ZC3H13: variants seen among roughly 807,000 people sequenced by gnomAD.
The protein encoded by ZC3H13 is zinc finger CCCH-type containing 13.
In ZC3H13, 64 loss-of-function variants were observed where a neutral mutation model predicts 204.1. The ratio of observed to expected loss-of-function variants is 0.31; its 90% CI spans 0.26 to 0.39. ZC3H13 has a LOEUF of 0.39. ZC3H13 is among the 10% of genes least tolerant of loss of function. ZC3H13 has a pLI of 1.00. For missense variants in ZC3H13, 1,833 were observed against 2,082.7 expected (o/e 0.88, Z 2.33); for synonymous variants, 667 against 693.7 (o/e 0.96, Z 0.60).
chr13:46,012,644 T>C (rs868336978), intron 5 of ZC3H13, among the ~76,000 whole-genome samples: 1 of 152,238 alleles, frequency 6.6e-6, no homozygotes, highest in African/African-American at 2.4e-5. Context: ...ACTCATCTTA[T>C]GTTGGAGTAC....
intron 8 of ZC3H13, among the ~76,000 whole-genome samples, chr13:45,995,313 T>TA (rs1315914107): frequency 6.6e-6 from 1 of 152,230 alleles, no homozygotes; most frequent in Non-Finnish European, 1.5e-5. Flanking sequence ...TTTAGGGTCA[T>TA]AAACTCTTTC....
At chr13:45,958,668 T>C (rs1465301988) in intron 18 of ZC3H13, among the ~76,000 whole-genome samples, 2 of 149,552 alleles carry the variant, frequency 1.3e-5, no homozygotes, top group Admixed American at 6.7e-5. Context: ...TTTTTTTTTT[T>C]TTTTTGAGAT....
chr13:45,989,776 A>G (rs1354272732), intron 8 of ZC3H13, among the ~76,000 whole-genome samples: 1 of 137,834 alleles, frequency 7.3e-6, no homozygotes, highest in East Asian at 2.2e-4. Context: ...ACAACACATA[A>G]CCTCATGAAA....
intron 4 of ZC3H13, among the ~76,000 whole-genome samples, chr13:46,025,294 C>T (rs898829083): frequency 2.6e-5 from 4 of 152,106 alleles, no homozygotes; most frequent in Non-Finnish European, 5.9e-5. Context: ...TTGATCTTAT[C>T]TATCTATCCC....
In ZC3H13 at chr13:45,963,844, T is replaced by C; in HGVS notation, c.4673A>G (p.Lys1558Arg). 2 of 1,613,944 alleles carry C rather than the reference T, an allele frequency of 1.2e-6. No homozygotes were observed. Among genetic ancestry groups the C allele is most frequent in the South Asian group, 2.2e-5 (2 of 91,082 alleles). ...ETCQRLLEKP[K>R]DADNLFEHEL... ...TAGTTAAAGTAAAATGAAACTACCT[T>C]TGGGTTTTTCTAAAAGTCTCTGACA... Residue 1558 changes from lysine (K) to arginine (R), a missense_variant and splice_region_variant, in exon 17 of 19, where the codon AAA becomes AGA. Physicochemically the swap from Lys to Arg is conservative, Grantham distance 26. Around this residue, in one of 5 missense-constraint regions of ZC3H13, gnomAD observed 211 missense variants for 228.4 expected, o/e 0.92. Coordinates refer to ENST00000679008, the MANE Select transcript of ZC3H13 (RefSeq NM_001330564.2).
chr13:45,994,730 G>A (rs538032924), intron 8 of ZC3H13, among the ~76,000 whole-genome samples: 5 of 152,252 alleles, frequency 3.3e-5, no homozygotes, highest in African/African-American at 7.2e-5. Flanking sequence ...GGCTCCTTCC[G>A]CTTGGTGGAA....
At chr13:46,024,864 G>A (rs1279073469) in intron 4 of ZC3H13, among the ~76,000 whole-genome samples, 2 of 151,868 alleles carry the variant, frequency 1.3e-5, no homozygotes, top group African/African-American at 4.8e-5. Flanking sequence ...TCTTCAGCTG[G>A]CAACTATTGT....
chr13:46,042,783 G>A lies in ZC3H13; in HGVS notation c.228-508C>T, dbSNP rs149861941. Among the ~76,000 whole-genome samples, 458 of 152,018 alleles carry A rather than the reference G, an allele frequency of 3.0e-3. 5 individuals carry two copies. The highest frequency in any genetic ancestry group is 0.01 in the African/African-American group (433 of 41,534). On this transcript the variant is annotated intron_variant, in intron 3 of 18. Transcript: ENST00000679008. ...TGTATACACATGCCTGTGGTTGGAT[G>A]CAACATCAATAACTGAGAAAATATT... is the stretch of plus-strand genomic sequence containing the variant.
Position 45,979,797 on chromosome 13 carries a change from AT to A in ZC3H13, c.1912+15del. Reference sequence around the variant, plus strand: ...TTGATATTGTTCACTATTTAATAAAATTCTGTTTGACAAACCTCTCTCTCTG... The same window carrying A: ...TTGATATTGTTCACTATTTAATAAAATCTGTTTGACAAACCTCTCTCTCTG... On this transcript the variant is annotated intron_variant, in intron 11 of 18. Coordinates refer to ENST00000679008, the MANE Select transcript of ZC3H13 (RefSeq NM_001330564.2). 3.2e-6 allele frequency: 5 copies of A among 1,545,388 alleles called. 1 individual carries two copies. The South Asian group carries it at 6.2e-5, about 19-fold the overall frequency.
chr13:46,031,376 G>C (rs571379593), intron 4 of ZC3H13, among the ~76,000 whole-genome samples: 219 of 152,038 alleles, frequency 1.4e-3, no homozygotes, highest in Middle Eastern at 0.014. Flanking sequence ...AGATGACCTT[G>C]GGTATGGCAA....
At chr13:46,005,963 C>T (rs934635212) in intron 7 of ZC3H13, among the ~76,000 whole-genome samples, 26 of 151,712 alleles carry the variant, frequency 1.7e-4, no homozygotes, top group African/African-American at 4.4e-4. Context: ...GGTGTGGTGG[C>T]GCACGCCTGT....
intron 3 of ZC3H13, among the ~76,000 whole-genome samples, chr13:46,042,895 G>A (rs2043686815): frequency 6.6e-6 from 1 of 151,824 alleles, no homozygotes; most frequent in Non-Finnish European, 1.5e-5. Flanking sequence ...AAAGATAAAG[G>A]ATTCAAGGCA....
intron 8 of ZC3H13, among the ~76,000 whole-genome samples, chr13:45,996,568 C>T (rs1020277217): frequency 1.3e-5 from 2 of 152,168 alleles, no homozygotes; most frequent in Non-Finnish European, 2.9e-5. Context: ...TGTCGTTCCA[C>T]TCTACCGCAA....
At chr13:46,043,869 T>A (rs1449469126) in intron 3 of ZC3H13, among the ~76,000 whole-genome samples, 5 of 151,976 alleles carry the variant, frequency 3.3e-5, no homozygotes, top group African/African-American at 9.7e-5. Context: ...AGATAAATTT[T>A]AAAATGTATC....
At chr13:46,011,913 T>C (rs192141254) in intron 5 of ZC3H13, among the ~76,000 whole-genome samples, 6 of 152,298 alleles carry the variant, frequency 3.9e-5, no homozygotes, top group Admixed American at 1.3e-4. Context: ...TCATGCTGTA[T>C]ACGATGCGAC....
Position 45,985,568 on chromosome 13 carries a change from T to G in ZC3H13, c.1449A>C (p.Arg483Ser). Residue 483 changes from arginine to serine, a missense_variant, in exon 10 of 19, where the codon AGA becomes AGC. Around this residue, in one of 5 missense-constraint regions of ZC3H13, gnomAD observed 1,574 missense variants for 1,757.2 expected, o/e 0.90. Transcript: ENST00000679008. ...SRDMRDSREM[R>S]DYSRDTKESR... ...TCTCTTTGGTATCTCTGCTATAATCTCTCATCTCCCTTGAGTCCCGCATGT... is the reference window on the plus strand; with the variant it reads ...TCTCTTTGGTATCTCTGCTATAATCGCTCATCTCCCTTGAGTCCCGCATGT... The G allele has an allele frequency of 6.2e-7, 1 of 1,614,050 alleles. No homozygotes were observed. The highest frequency in any genetic ancestry group is 1.6e-4 in the Middle Eastern group (1 of 6,062).
Position 45,975,726 on chromosome 13 carries a change from C to A in ZC3H13, c.2025G>T (p.Arg675Ser). The stretch of plus-strand genomic sequence containing the variant: ...CTCGTTCCCGATCTCTCTCTCTAGC[C>A]CTTTCATCTCTCCTATCATCCACTC... ...VDRVDDRRDERARERDRERER... is the reference protein window; with the variant it reads ...VDRVDDRRDESARERDRERER... Residue 675 changes from arginine (R) to serine (S), a missense_variant, in exon 12 of 19, where the codon AGG (arginine) becomes AGT (serine). Around this residue, in one of 5 missense-constraint regions of ZC3H13, gnomAD observed 1,574 missense variants for 1,757.2 expected, o/e 0.90. Transcript: ENST00000679008. 1 of 1,613,806 alleles carries A rather than the reference C, an allele frequency of 6.2e-7. No individual in the cohort carries two copies. Among genetic ancestry groups the A allele is most frequent in the Non-Finnish European group, 8.5e-7 (1 of 1,179,862 alleles).
intron 1 of ZC3H13, among the ~76,000 whole-genome samples, chr13:46,049,918 T>TTCC (rs2044280211): frequency 6.6e-6 from 1 of 152,168 alleles, no homozygotes; most frequent in Admixed American, 6.5e-5. Context: ...TATGAAGGTT[T>TTCC]TCCTCCATTT....
chr13:46,011,494 C>T lies in ZC3H13; in HGVS notation c.509G>A (p.Arg170His), dbSNP rs2041558528. The change falls in exon 6 of 19, where the codon CGT becomes CAT. Residue 170 changes from arginine to histidine, a missense_variant. Around this residue, in one of 5 missense-constraint regions of ZC3H13, gnomAD observed 1,574 missense variants for 1,757.2 expected, o/e 0.90. Transcript: ENST00000679008. ...CATTAATTCCCTCTGTATCTTCTGACGCTTCATTTCCAATGACAATTCATG... is the reference window on the plus strand; with the variant it reads ...CATTAATTCCCTCTGTATCTTCTGATGCTTCATTTCCAATGACAATTCATG... ...YVHELSLEMK[R>H]QKIQRELMKL... 1 of 1,602,386 alleles carries T rather than the reference C, an allele frequency of 6.2e-7. No individual in the cohort carries two copies. Among genetic ancestry groups the T allele is most frequent in the Admixed American group, 1.7e-5 (1 of 58,576 alleles).
Sources: allele counts gnomAD v4.1 joint callset (sites outside exome capture counted in the v4.1 genomes callset), GRCh38; gene constraint gnomAD v4.1.1; regional missense constraint gnomAD v4.1.1; transcripts MANE v1.5; gene names NCBI Gene and HGNC (gene_info 2026-07-23, HGNC 2026-07-21).